STK40: variants seen among roughly 807,000 people sequenced by gnomAD.
STK40 encodes the protein serine/threonine-protein kinase 40.
In STK40, 13 loss-of-function variants were observed where a neutral mutation model predicts 47.9. That is an observed-to-expected ratio of 0.27 (90% CI 0.18 to 0.43). The LOEUF (loss-of-function observed/expected upper bound fraction) is 0.43, where lower values mean the gene tolerates loss of function less well. Among genes scored for constraint, STK40 ranks in the 20% least tolerant of loss-of-function variants. The pLI, the probability that STK40 is intolerant of heterozygous loss-of-function variation, is 1.00. For missense variants in STK40, 460 were observed against 595.1 expected, an observed-to-expected ratio of 0.77 and a Z score of 2.36; for synonymous variants, 225 against 243.2, an observed-to-expected ratio of 0.93 and a Z score of 0.69.
At chr1:36,348,188 C>T (rs902286669) in intron 7 of STK40, among the ~76,000 whole-genome samples, 1 of 152,246 alleles carries the variant, frequency 6.6e-6, no homozygotes, top group Non-Finnish European at 1.5e-5. Flanking sequence ...TCAATGGCTT[C>T]CACTCGCACT....
At position 36,341,588 on chromosome 1, in the gene STK40, C is replaced by T. The variant is rs762523008; in HGVS notation, c.*167G>A. 1.7e-5 allele frequency: 12 copies of T among 714,872 alleles called. No individual in the cohort carries two copies. The highest frequency in any genetic ancestry group is 2.3e-5 in the Non-Finnish European group (10 of 438,700). 44.3% of individuals were successfully genotyped at this position (714,872 alleles called of 1,614,324 possible). ...GAGCAATCATCCCAAAAGGTAGCTTCGTGGTACCTCTGCTGACCCCACGTG... is the reference window on the plus strand; with the variant it reads ...GAGCAATCATCCCAAAAGGTAGCTTTGTGGTACCTCTGCTGACCCCACGTG... On this transcript the variant is annotated 3_prime_UTR_variant, in exon 11 of 11. Transcript: ENST00000373132.
At chr1:36,367,503 A>C (rs1174446923) in intron 1 of STK40, among the ~76,000 whole-genome samples, 1 of 152,220 alleles carries the variant, frequency 6.6e-6, no homozygotes, top group Non-Finnish European at 1.5e-5. Context: ...CAGATCTCCC[A>C]GCAAGGCAGT....
At chr1:36,352,712 G>A (rs1329102986) in intron 6 of STK40, among the ~76,000 whole-genome samples, 2 of 152,110 alleles carry the variant, frequency 1.3e-5, no homozygotes, top group East Asian at 1.9e-4. Flanking sequence ...CATCCTTCAC[G>A]AATTGACTCA....
At chr1:36,365,606 A>G (rs1252185517) in intron 1 of STK40, among the ~76,000 whole-genome samples, 1 of 152,204 alleles carries the variant, frequency 6.6e-6, no homozygotes, top group African/African-American at 2.4e-5. Context: ...GCTTCTAGAA[A>G]TATCTTTAAA....
chr1:36,342,329 C>A (rs550562326), intron 10 of STK40: 3 of 305,576 alleles, frequency 9.8e-6, no homozygotes, highest in African/African-American at 2.2e-5. Flanking sequence ...TCAAGAGGTA[C>A]GAGCAAGCCC....
intron 1 of STK40, among the ~76,000 whole-genome samples, chr1:36,371,954 G>A (rs1646952174): frequency 6.7e-6 from 1 of 149,972 alleles, no homozygotes; most frequent in Non-Finnish European, 1.5e-5. Flanking sequence ...CCGAGATCAC[G>A]CCACTGCACT....
rs746089027 is a variant in STK40, at chr1:36,377,532, C to CAAA, written c.-9+8188_-9+8190dup. Among the ~76,000 whole-genome samples, 347 of 35,390 alleles carry CAAA rather than the reference C, an allele frequency of 9.8e-3. 20 individuals are homozygous for CAAA. The highest frequency in any genetic ancestry group is 0.026 in the African/African-American group (324 of 12,340). 23.2% of individuals were successfully genotyped at this position (35,390 alleles called of 152,430 possible). A position where few individuals can be genotyped will look rare whatever the true frequency, so the allele number is the denominator to read the frequency against. ...TGGGCAACAGAGTGAGACTCCGTCT[C>CAAA]AAAAAAAAAAAAAAAAAAAAAAAAA... On this transcript the variant is annotated intron_variant, in intron 1 of 10. Coordinates refer to ENST00000373132, the MANE Select transcript of STK40 (RefSeq NM_001282547.2).
chr1:36,366,404 G>C (rs1457461077), intron 1 of STK40, among the ~76,000 whole-genome samples: 2 of 152,130 alleles, frequency 1.3e-5, no homozygotes, highest in Non-Finnish European at 2.9e-5. Context: ...CTCCCTTCCT[G>C]CCACCCCTTC....
intron 1 of STK40, chr1:36,368,224 A>G (rs1368074135): frequency 6.6e-6 from 1 of 152,230 alleles, no homozygotes; most frequent in Non-Finnish European, 1.5e-5. Context: ...ACAAACTGGC[A>G]TCACACACCT....
intron 2 of STK40, among the ~76,000 whole-genome samples, chr1:36,359,154 C>G (rs1646830710): frequency 6.6e-6 from 1 of 152,236 alleles, no homozygotes; most frequent in African/African-American, 2.4e-5. Flanking sequence ...CACCTGTAAT[C>G]CCAACACTTT....
At chr1:36,345,989 A>ATTTTTTTTTTTTTTTTTT (rs1330462605) in intron 7 of STK40, among the ~76,000 whole-genome samples, 1 of 19,584 alleles carries the variant, frequency 5.1e-5, no homozygotes, top group Non-Finnish European at 9.8e-5. Flanking sequence ...ATATATATAT[A>ATTTTTTTTTTTTTTTTTT]TATTTTTTTT....
intron 1 of STK40, among the ~76,000 whole-genome samples, chr1:36,363,979 G>A (rs1249596968): frequency 3.3e-5 from 5 of 151,270 alleles, no homozygotes; most frequent in Non-Finnish European, 5.9e-5. Flanking sequence ...GTGAAACCCT[G>A]TCTCTACTAA....
At chr1:36,381,725 G>A (rs1647041143) in intron 1 of STK40, among the ~76,000 whole-genome samples, 2 of 152,134 alleles carry the variant, frequency 1.3e-5, no homozygotes, top group Admixed American at 1.3e-4. Context: ...CTGGGCTCAA[G>A]CGATCCTCCT....
chr1:36,385,374 C>G (rs541830205), intron 1 of STK40, among the ~76,000 whole-genome samples: 32 of 152,352 alleles, frequency 2.1e-4, no homozygotes, highest in South Asian at 1.4e-3. Flanking sequence ...GAGGGAAACA[C>G]GGAGAGGCAG....
chr1:36,343,384 T>C lies in STK40; in HGVS notation c.1069A>G (p.Asn357Asp). Residue 357 changes from asparagine (N) to aspartate (D), a missense_variant, in exon 10 of 11, where the codon AAT becomes GAT. By Grantham distance (23) the Asn-to-Asp change is conservative. Coordinates refer to ENST00000373132, the MANE Select transcript of STK40 (RefSeq NM_001282547.2). Reference protein sequence around the residue: ...VVPDIDDQMSNADSSQEAKVT... With the variant: ...VVPDIDDQMSDADSSQEAKVT... ...CTCACCTCCTGGGAGCTATCCGCAT[T>C]GCTCATTTGGTCATCAATGTCAGGA... 2 of 1,613,450 alleles carry C rather than the reference T, an allele frequency of 1.2e-6. No homozygotes were observed. Among genetic ancestry groups the C allele is most frequent in the Non-Finnish European group, 1.7e-6 (2 of 1,179,688 alleles).
intron 4 of STK40, among the ~76,000 whole-genome samples, chr1:36,357,754 C>T (rs1646817441): frequency 6.6e-6 from 1 of 152,126 alleles, no homozygotes; most frequent in Non-Finnish European, 1.5e-5. Flanking sequence ...GTAGCTGGGA[C>T]TACAGGTGTG....
chr1:36,342,114 C>T lies in STK40; in HGVS notation c.1090-141G>A, dbSNP rs540459230. The T allele has an allele frequency of 1.6e-4, 126 of 812,236 alleles. No individual in the cohort carries two copies. In the African/African-American group the frequency reaches 1.7e-3, roughly 11 times the overall value. The allele number at this position is 812,236 out of a possible 1,614,324, so 50.3% of individuals were successfully genotyped here. On this transcript the variant is annotated intron_variant, in intron 10 of 10. Transcript: ENST00000373132. ...GCACCACACCCTCAGGCCTCAAGGCCGGGGGTGGGAGTGGCGCTGAGGGTG... is the reference window on the plus strand; with the variant it reads ...GCACCACACCCTCAGGCCTCAAGGCTGGGGGTGGGAGTGGCGCTGAGGGTG...
intron 1 of STK40, among the ~76,000 whole-genome samples, chr1:36,384,419 A>T (rs1483606236): frequency 6.6e-6 from 1 of 152,382 alleles, no homozygotes; most frequent in Non-Finnish European, 1.5e-5. Context: ...ATAAAAATAG[A>T]TAACATTTAT....
intron 1 of STK40, among the ~76,000 whole-genome samples, chr1:36,363,463 A>G (rs1295724009): frequency 6.6e-6 from 1 of 152,188 alleles, no homozygotes; most frequent in Non-Finnish European, 1.5e-5. Context: ...ACAAATATAC[A>G]GTGATTTCTC....
Sources: allele counts gnomAD v4.1 joint callset (sites outside exome capture counted in the v4.1 genomes callset), GRCh38; gene constraint gnomAD v4.1.1; transcripts MANE v1.5; gene names NCBI Gene and HGNC (gene_info 2026-07-23, HGNC 2026-07-21).